DYNLRB1: variants seen among roughly 807,000 people sequenced by gnomAD.
DYNLRB1 encodes the protein dynein light chain roadblock-type 1.
A neutral mutation model predicts 13.5 loss-of-function variants in DYNLRB1; 6 were observed. The observed-to-expected ratio is 0.44, with a 90% CI of 0.24 to 0.88. The LOEUF (loss-of-function observed/expected upper bound fraction) is 0.88. Ranked by LOEUF, DYNLRB1 falls within the 40% of genes least tolerant of loss-of-function variation. The probability of loss-of-function intolerance (pLI) is 0.21; values close to 1 mark genes in which losing one functional copy is unlikely to be tolerated. For missense variants in DYNLRB1, 93 were observed against 127.2 expected, an observed-to-expected ratio of 0.73 and a Z score of 1.29; for synonymous variants, 43 against 45.0, an observed-to-expected ratio of 0.96 and a Z score of 0.18.
chr20:34,540,673 G>C lies in DYNLRB1; in HGVS notation c.*49G>C. ...CATTCCTTAATTTAATGCCCCCCAAGAATGTTAATGTCAATCATGTCAGTG... is the reference window on the plus strand; with the variant it reads ...CATTCCTTAATTTAATGCCCCCCAACAATGTTAATGTCAATCATGTCAGTG... On this transcript the variant is annotated 3_prime_UTR_variant, in exon 4 of 4. Transcript: ENST00000357156. 1 of 1,578,688 alleles carries C rather than the reference G, an allele frequency of 6.3e-7. No individual in the cohort carries two copies. The highest frequency in any genetic ancestry group is 2.2e-5 in the East Asian group (1 of 44,688).
intron 2 of DYNLRB1, 61 bp from the exon 3 acceptor site, chr20:34,534,567 G>A (rs1568603412): frequency 1.3e-6 from 2 of 1,512,084 alleles, no homozygotes; most frequent in Non-Finnish European, 1.8e-6. Flanking sequence ...TTAGGGGTGT[G>A]GGTGGGAGCT....
intron 2 of DYNLRB1, among the ~76,000 whole-genome samples, chr20:34,532,155 C>T (rs1980763639): frequency 1.3e-5 from 2 of 151,936 alleles, no homozygotes; most frequent in African/African-American, 4.9e-5. Flanking sequence ...TAGTCACATC[C>T]CTTCAGATGA....
intron 3 of DYNLRB1, among the ~76,000 whole-genome samples, 199 bp from the exon 4 acceptor site, chr20:34,540,382 T>A (rs2146659474): frequency 6.6e-6 from 1 of 152,346 alleles, no homozygotes; most frequent in East Asian, 1.9e-4. Flanking sequence ...GGGAGGCCCC[T>A]CTTGCAGGAG....
chr20:34,530,243 T>C, intron 2 of DYNLRB1: 1 of 1,066,788 alleles, frequency 9.4e-7, no homozygotes, highest in Non-Finnish European at 1.1e-6. Context: ...TAGTGAGTGC[T>C]GCTTTTTTGT....
intron 3 of DYNLRB1, 42 bp downstream of exon 3, chr20:34,534,837 G>C: frequency 1.2e-6 from 2 of 1,613,492 alleles, no homozygotes; most frequent in African/African-American, 2.7e-5. Flanking sequence ...CAGACCTCAT[G>C]GCACATTCTC....
chr20:34,532,949 C>A (rs1980825969), intron 2 of DYNLRB1, among the ~76,000 whole-genome samples: 1 of 152,194 alleles, frequency 6.6e-6, no homozygotes, highest in Admixed American at 6.5e-5. Context: ...GGGTCCTGGG[C>A]CCCAAAGCTG....
chr20:34,539,777 G>A (rs982510509), intron 3 of DYNLRB1, among the ~76,000 whole-genome samples: 36 of 152,094 alleles, frequency 2.4e-4, no homozygotes, highest in African/African-American at 7.5e-4. Flanking sequence ...AAAGTGCTAC[G>A]TGAGCCACCA....
rs140185211 is a variant in DYNLRB1, at chr20:34,522,369, G to A, written c.4-3899G>A. Among the ~76,000 whole-genome samples, 1,192 of 152,096 alleles carry A rather than the reference G, an allele frequency of 7.8e-3. 14 individuals are homozygous for A. The highest frequency in any genetic ancestry group is 0.027 in the African/African-American group (1,133 of 41,488). ...GAAAGCAATATATGACCCATAGTAG[G>A]CGCTGAGTAGGGAAATTATACCTAT... On this transcript the variant is annotated intron_variant, in intron 1 of 3. Coordinates refer to ENST00000357156, the MANE Select transcript of DYNLRB1 (RefSeq NM_014183.4).
chr20:34,535,000 A>G lies in DYNLRB1; in HGVS notation c.247+205A>G, dbSNP rs990037860. On this transcript the variant is annotated intron_variant, in intron 3 of 3. Coordinates refer to ENST00000357156, the MANE Select transcript of DYNLRB1 (RefSeq NM_014183.4). ...CTCCCAGGGACCGGCCCCAGAGGGT[A>G]ACCCCAGTCTCCTGAGATAGACAGA... 4 of 1,421,136 alleles carry G rather than the reference A, an allele frequency of 2.8e-6. No homozygotes were observed. The African/African-American group carries it at 4.3e-5, about 15-fold the overall frequency. 88.0% of individuals were successfully genotyped at this position (1,421,136 alleles called of 1,614,324 possible). A position where few individuals can be genotyped will look rare whatever the true frequency, so the allele number is the denominator to read the frequency against.
chr20:34,518,057 C>T (rs1203801577), intron 1 of DYNLRB1, among the ~76,000 whole-genome samples: 1 of 151,834 alleles, frequency 6.6e-6, no homozygotes, highest in South Asian at 2.1e-4. Flanking sequence ...AATTTCCGTT[C>T]CTTTGAATAA....
chr20:34,535,300 C>T (rs1170634874), intron 3 of DYNLRB1: 24 of 985,318 alleles, frequency 2.4e-5, no homozygotes, highest in Middle Eastern at 5.2e-4. Flanking sequence ...GTTCTCTGCC[C>T]ACTTGTAAAG....
chr20:34,529,236 C>T (rs1568601293), intron 2 of DYNLRB1, among the ~76,000 whole-genome samples: 2 of 152,240 alleles, frequency 1.3e-5, no homozygotes, highest in South Asian at 2.1e-4. Context: ...TCAGGCCATG[C>T]CCGGTTGCGG....
chr20:34,517,406 A>C (rs1022401405), intron 1 of DYNLRB1, among the ~76,000 whole-genome samples: 2 of 152,256 alleles, frequency 1.3e-5, no homozygotes, highest in East Asian at 3.9e-4. Context: ...ATTACACCAC[A>C]ATATCTCCAC....
intron 1 of DYNLRB1, among the ~76,000 whole-genome samples, chr20:34,520,344 T>C (rs1979612200): frequency 1.3e-5 from 2 of 152,234 alleles, no homozygotes; most frequent in Admixed American, 1.3e-4. Context: ...TCATATCATC[T>C]TTGTGATTAA....
rs565174592 is a variant in DYNLRB1 at position 34,523,551 on chromosome 20, T to A, written c.4-2717T>A. ...ACCCCAGGGCTTTTGTGCTTGCTCTTGGTGCTGTCTGGAACACTCCCCAGA... is the reference window on the plus strand; with the variant it reads ...ACCCCAGGGCTTTTGTGCTTGCTCTAGGTGCTGTCTGGAACACTCCCCAGA... On this transcript the variant is annotated intron_variant, in intron 1 of 3. Coordinates refer to ENST00000357156, the MANE Select transcript of DYNLRB1 (RefSeq NM_014183.4). Among the ~76,000 whole-genome samples the A allele has an allele frequency of 3.9e-5, 6 of 152,286 alleles. No homozygotes were observed. The South Asian group carries it at 1.0e-3, about 26-fold the overall frequency.
At chr20:34,535,405 T>G (rs1313500096) in intron 3 of DYNLRB1, 4 of 969,188 alleles carry the variant, frequency 4.1e-6, no homozygotes, top group Middle Eastern at 1.0e-3. Flanking sequence ...TGCCTTGCAT[T>G]TGGGGGCTCT....
At chr20:34,519,016 C>A (rs528698037) in intron 1 of DYNLRB1, among the ~76,000 whole-genome samples, 2 of 152,160 alleles carry the variant, frequency 1.3e-5, no homozygotes, top group South Asian at 4.2e-4. Context: ...CCTCAGCCTC[C>A]GGAGTAGCTG....
intron 2 of DYNLRB1, among the ~76,000 whole-genome samples, chr20:34,532,891 C>G (rs1203313414): frequency 6.6e-6 from 1 of 152,238 alleles, no homozygotes; most frequent in Non-Finnish European, 1.5e-5. Context: ...GGCCTGATAA[C>G]TGCCTTTGGC....
chr20:34,531,116 C>G (rs1458279485), intron 2 of DYNLRB1: 1 of 152,248 alleles, frequency 6.6e-6, no homozygotes, highest in African/African-American at 2.4e-5. Context: ...ATGTGTAAGT[C>G]CCATGAAGGC....
Sources: allele counts gnomAD v4.1 joint callset (sites outside exome capture counted in the v4.1 genomes callset), GRCh38; gene constraint gnomAD v4.1.1; transcripts MANE v1.5; gene names NCBI Gene and HGNC (gene_info 2026-07-23, HGNC 2026-07-21).